STK24: variants seen among roughly 807,000 people sequenced by gnomAD.
STK24 encodes serine/threonine kinase 24, also known as serine/threonine-protein kinase 24.
STK24 carries 21 observed loss-of-function variants against 55.6 expected under a neutral mutation model. The observed-to-expected ratio is 0.38, with a 90% CI of 0.27 to 0.54. STK24 has a LOEUF of 0.54. Ranked by LOEUF, STK24 falls within the 20% of genes least tolerant of loss-of-function variation. The pLI is 0.79. For missense variants in STK24, 383 were observed against 538.4 expected (o/e 0.71, Z 2.86); for synonymous variants, 200 against 215.2 (o/e 0.93, Z 0.62).
intron 5 of STK24, among the ~76,000 whole-genome samples, chr13:98,472,121 T>C (rs1278745131): frequency 2.0e-5 from 3 of 152,124 alleles, no homozygotes; most frequent in Admixed American, 2.0e-4. Flanking sequence ...CAGGCCCTGC[T>C]TGCGACAAGA....
intron 1 of STK24, among the ~76,000 whole-genome samples, chr13:98,522,964 G>A (rs1214032871): frequency 1.3e-5 from 2 of 152,212 alleles, no homozygotes; most frequent in African/African-American, 2.4e-5. Flanking sequence ...CAGGAGAGCC[G>A]GTTAGCACTG....
At chr13:98,513,150 C>T (rs533349794) in intron 2 of STK24, among the ~76,000 whole-genome samples, 1 of 152,298 alleles carries the variant, frequency 6.6e-6, no homozygotes, top group Non-Finnish European at 1.5e-5. Context: ...CACACTGCCC[C>T]GAGTATGGAC....
At chr13:98,519,092 T>A in intron 2 of STK24, 151 bp downstream of exon 2, 1 of 631,828 alleles carries the variant, frequency 1.6e-6, no homozygotes, top group Non-Finnish European at 2.8e-6. Flanking sequence ...GATGGAACTA[T>A]CAAAGCCAGG....
intron 2 of STK24, among the ~76,000 whole-genome samples, chr13:98,494,133 C>T (rs1363656573): frequency 1.4e-5 from 2 of 143,472 alleles, no homozygotes; most frequent in Non-Finnish European, 3.0e-5. Context: ...GTGCCTCGGC[C>T]GGGCACGGTG....
At chr13:98,461,716 G>T (rs1257810447) in intron 8 of STK24, 58 bp downstream of exon 8, 3 of 1,593,362 alleles carry the variant, frequency 1.9e-6, no homozygotes, top group African/African-American at 1.3e-5. Flanking sequence ...ACACACAAGT[G>T]CCTCCAAAAC....
intron 10 of STK24, chr13:98,454,569 T>A (rs1893362286): frequency 6.6e-6 from 1 of 152,202 alleles, no homozygotes; most frequent in Non-Finnish European, 1.5e-5. Flanking sequence ...AATCACGGGA[T>A]GAGTTGATGT....
intron 1 of STK24, among the ~76,000 whole-genome samples, chr13:98,573,316 C>T (rs564723110): frequency 5.3e-5 from 8 of 152,324 alleles, no homozygotes; most frequent in East Asian, 1.9e-4. Context: ...AACTCAAAGC[C>T]GATTGGTGTT....
intron 2 of STK24, among the ~76,000 whole-genome samples, chr13:98,490,491 C>T (rs7338549): frequency 0.51 from 78,215 of 151,940 alleles, 20,548 homozygotes; most frequent in Non-Finnish European, 0.58. Context: ...CCATGTACTA[C>T]CCTAGTTCCA....
rs565258411 is a variant in STK24, at chr13:98,564,492, G to T, written c.42+12253C>A. 8.5e-5 allele frequency among the ~76,000 whole-genome samples: 13 copies of T among 152,348 alleles called. No homozygotes were observed. In the East Asian group the frequency reaches 1.5e-3, roughly 18 times the overall value. On this transcript the variant is annotated intron_variant, in intron 1 of 10. Coordinates refer to ENST00000539966, the MANE Select transcript of STK24 (RefSeq NM_001032296.4). ...GGAACAGGCACTGAGCTTTGGAGGA[G>T]CACAGGGAGCTGAGCCCACCCAGGG...
chr13:98,481,586 GA>G (rs1217929667), intron 3 of STK24, among the ~76,000 whole-genome samples: 1 of 152,246 alleles, frequency 6.6e-6, no homozygotes, highest in Non-Finnish European at 1.5e-5. Flanking sequence ...GTTGTCATGT[GA>G]AATATGAAAC....
chr13:98,563,707 A>G (rs1363031470), intron 1 of STK24, among the ~76,000 whole-genome samples: 2 of 152,050 alleles, frequency 1.3e-5, no homozygotes, highest in Non-Finnish European at 2.9e-5. Flanking sequence ...AAATAAAAAA[A>G]AAATTAGCCG....
intron 1 of STK24, among the ~76,000 whole-genome samples, chr13:98,547,006 G>C (rs1170383470): frequency 6.6e-6 from 1 of 152,134 alleles, no homozygotes; most frequent in East Asian, 1.9e-4. Context: ...CCGCTTCCCA[G>C]GTTCAAGCAA....
chr13:98,469,539 C>CA (rs1894060663), intron 5 of STK24, among the ~76,000 whole-genome samples: 1 of 134,514 alleles, frequency 7.4e-6, no homozygotes, highest in African/African-American at 2.6e-5. Context: ...CTGCATCCCC[C>CA]CCCCCAAAAA....
At chr13:98,470,523 A>T (rs1894102953) in intron 5 of STK24, among the ~76,000 whole-genome samples, 1 of 152,254 alleles carries the variant, frequency 6.6e-6, no homozygotes, top group Admixed American at 6.5e-5. Flanking sequence ...CCCATTTGGG[A>T]AAGATATGAA....
chr13:98,541,361 G>A (rs1896885398), intron 1 of STK24, among the ~76,000 whole-genome samples: 1 of 152,126 alleles, frequency 6.6e-6, no homozygotes, highest in African/African-American at 2.4e-5. Context: ...GCTTCAAGCT[G>A]ATCAAAATCA....
chr13:98,491,849 A>G (rs1180125655), intron 2 of STK24, among the ~76,000 whole-genome samples: 1 of 152,206 alleles, frequency 6.6e-6, no homozygotes, highest in East Asian at 1.9e-4. Flanking sequence ...ATAACCAAGG[A>G]AAAAATAGAT....
intron 1 of STK24, among the ~76,000 whole-genome samples, chr13:98,538,295 G>C (rs1363530530): frequency 7.6e-6 from 1 of 131,786 alleles, no homozygotes; most frequent in Admixed American, 9.5e-5. Flanking sequence ...GCATGATCTC[G>C]ATCACTGAAA....
At chr13:98,536,125 G>C (rs777399550) in intron 1 of STK24, among the ~76,000 whole-genome samples, 1 of 152,068 alleles carries the variant, frequency 6.6e-6, no homozygotes, top group Non-Finnish European at 1.5e-5. Context: ...TCACAAATAG[G>C]AACACACGTA....
At chr13:98,461,101 T>C (rs1004804274) in intron 8 of STK24, among the ~76,000 whole-genome samples, 17 of 151,312 alleles carry the variant, frequency 1.1e-4, no homozygotes, top group African/African-American at 4.1e-4. Flanking sequence ...AATGAAACCC[T>C]GGAAATAGAA....
Sources: gnomAD v4.1 joint callset for allele counts (sites outside exome capture counted in the v4.1 genomes callset) on GRCh38, gnomAD v4.1.1 for gene constraint, MANE v1.5 for transcripts, NCBI Gene and HGNC (gene_info 2026-07-23, HGNC 2026-07-21) for gene names.